PTPRG: variants seen among roughly 807,000 people sequenced by gnomAD.
PTPRG encodes receptor-type tyrosine-protein phosphatase gamma.
Under a neutral mutation model 165.3 loss-of-function variants are expected in PTPRG, and 102 were observed. The ratio of observed to expected loss-of-function variants is 0.62; its 90% CI spans 0.53 to 0.73. The LOEUF (loss-of-function observed/expected upper bound fraction) is 0.73, where lower values mean the gene tolerates loss of function less well. Among genes scored for constraint, PTPRG ranks in the 30% least tolerant of loss-of-function variants. The probability of loss-of-function intolerance (pLI) is 0.00; values close to 1 mark genes in which losing one functional copy is unlikely to be tolerated. For missense variants in PTPRG, 1,866 were observed against 1,861.4 expected, an observed-to-expected ratio of 1.00 and a Z score of -0.05; for synonymous variants, 675 against 669.5, an observed-to-expected ratio of 1.01 and a Z score of -0.13.
At chr3:61,897,486 T>C (rs1473642861) in intron 2 of PTPRG, among the ~76,000 whole-genome samples, 1 of 152,216 alleles carries the variant, frequency 6.6e-6, no homozygotes, top group Non-Finnish European at 1.5e-5. Flanking sequence ...TCGTGATTAC[T>C]ATAGCTGTAC....
rs535422835 is a variant in PTPRG, at chr3:62,192,543, G to A, written c.1218+890G>A. 3.3e-5 allele frequency among the ~76,000 whole-genome samples: 5 copies of A among 151,692 alleles called. No homozygotes were observed. In the South Asian group the frequency reaches 1.0e-3, roughly 32 times the overall value. ...CCTGCCTCAGCCTCCCAAGTAGCTG[G>A]GACTACATGCATCCGCCACCATGCC... On this transcript the variant is annotated intron_variant, in intron 9 of 29. Transcript: ENST00000474889.
chr3:61,733,902 G>T (rs922921550), intron 1 of PTPRG, among the ~76,000 whole-genome samples: 2 of 152,112 alleles, frequency 1.3e-5, no homozygotes, highest in Non-Finnish European at 2.9e-5. Flanking sequence ...GGCTCAAGCG[G>T]TCCTCACACC....
At chr3:62,121,101 G>A (rs537616913) in intron 5 of PTPRG, among the ~76,000 whole-genome samples, 49 of 136,040 alleles carry the variant, frequency 3.6e-4, no homozygotes, top group Admixed American at 9.9e-4. Context: ...CCCACCACTA[G>A]CCTGGCTAAT....
At chr3:61,800,766 C>T (rs1464507186) in intron 2 of PTPRG, among the ~76,000 whole-genome samples, 1 of 151,702 alleles carries the variant, frequency 6.6e-6, no homozygotes, top group African/African-American at 2.4e-5. Context: ...GCCTCAGCCT[C>T]CCGAGTAGCT....
In PTPRG at chr3:61,993,902, C is replaced by T. The variant is rs768138212; in HGVS notation, c.370+4098C>T. ...GCGGCCTATTACATACAGACAGTAA[C>T]TCTCCCATAAAACAGCTTAAATGTT... is the stretch of plus-strand genomic sequence containing the variant. On this transcript the variant is annotated intron_variant, in intron 3 of 29. Coordinates refer to ENST00000474889, the MANE Select transcript of PTPRG (RefSeq NM_002841.4). 3.3e-5 allele frequency among the ~76,000 whole-genome samples: 5 copies of T among 152,134 alleles called. No homozygotes were observed. In the East Asian group the frequency reaches 9.7e-4, roughly 29 times the overall value.
intron 3 of PTPRG, 117 bp from the exon 4 acceptor site, chr3:62,003,232 T>C (rs2041216558): frequency 3.3e-6 from 4 of 1,197,644 alleles, no homozygotes; most frequent in East Asian, 2.4e-5. Flanking sequence ...TTTTCATAGG[T>C]ACATGAGGAC....
At chr3:61,567,020 T>G (rs1338030355) in intron 1 of PTPRG, among the ~76,000 whole-genome samples, 1 of 152,212 alleles carries the variant, frequency 6.6e-6, no homozygotes, top group Non-Finnish European at 1.5e-5. Flanking sequence ...TGGGAAAAAT[T>G]TAGGGCATCT....
At position 62,195,003 on chromosome 3, in the gene PTPRG, T is replaced by C. The variant is rs1559632770; in HGVS notation, c.1219-59T>C. The C allele has an allele frequency of 6.5e-6, 10 of 1,526,738 alleles. No individual in the cohort carries two copies. In the Admixed American group the frequency reaches 1.3e-4, roughly 20 times the overall value. 94.6% of individuals were successfully genotyped at this position (1,526,738 alleles called of 1,614,324 possible). Reference sequence around the variant, plus strand: ...ACGGCACTCAGGTTTGGCTTTAGAATGCAAAGTGTGCCTTGGCCTTCAAAA... The same window carrying C: ...ACGGCACTCAGGTTTGGCTTTAGAACGCAAAGTGTGCCTTGGCCTTCAAAA... On this transcript the variant is annotated intron_variant, in intron 9 of 29. Coordinates refer to ENST00000474889, the MANE Select transcript of PTPRG (RefSeq NM_002841.4). The surrounding 1 kb of genome is among the most constrained non-coding windows in gnomAD (Gnocchi z 4.4).
At chr3:62,101,345 A>T (rs1702283980) in intron 5 of PTPRG, among the ~76,000 whole-genome samples, 1 of 152,242 alleles carries the variant, frequency 6.6e-6, no homozygotes, top group African/African-American at 2.4e-5. Flanking sequence ...TAAAAACCAA[A>T]ACCAACAATT....
At chr3:62,133,709 G>C (rs1002671975) in intron 6 of PTPRG, among the ~76,000 whole-genome samples, 2 of 152,146 alleles carry the variant, frequency 1.3e-5, no homozygotes, top group Non-Finnish European at 2.9e-5. Flanking sequence ...TCTGGGCCAG[G>C]CATGGTGGCT....
chr3:62,013,291 C>G (rs2041468808), intron 4 of PTPRG, among the ~76,000 whole-genome samples: 1 of 152,082 alleles, frequency 6.6e-6, no homozygotes, highest in South Asian at 2.1e-4. Flanking sequence ...CATACTAAAA[C>G]TTGCAAAACT....
Position 62,243,773 on chromosome 3 carries a change from C to A in PTPRG, c.2376-34C>A, listed in dbSNP as rs187662369. 1,888 of 1,307,868 alleles carry A rather than the reference C, an allele frequency of 1.4e-3. 3 individuals are homozygous for A. The highest frequency in any genetic ancestry group is 1.8e-3 in the Non-Finnish European group (1,693 of 916,616). 81.0% of individuals were successfully genotyped at this position (1,307,868 alleles called of 1,614,324 possible). A position where few individuals can be genotyped will look rare whatever the true frequency, so the allele number is the denominator to read the frequency against. On this transcript the variant is annotated intron_variant, in intron 14 of 29. Coordinates refer to ENST00000474889, the MANE Select transcript of PTPRG (RefSeq NM_002841.4). ...AAGATGAACTCAAATAAAGTATATTCTATTATTGACATGTTTTTCTCTTTT... is the reference window on the plus strand; with the variant it reads ...AAGATGAACTCAAATAAAGTATATTATATTATTGACATGTTTTTCTCTTTT...
intron 2 of PTPRG, among the ~76,000 whole-genome samples, chr3:61,826,555 C>T (rs567774047): frequency 2.0e-5 from 3 of 152,110 alleles, no homozygotes; most frequent in South Asian, 2.1e-4. Flanking sequence ...GTACTATTTC[C>T]CCTCTTCCCT....
At chr3:62,265,273 G>A (rs896416566) in intron 17 of PTPRG, among the ~76,000 whole-genome samples, 11 of 152,048 alleles carry the variant, frequency 7.2e-5, no homozygotes, top group Admixed American at 2.6e-4. Flanking sequence ...CTCTAAATTT[G>A]TTCCTTTTTC....
intron 2 of PTPRG, among the ~76,000 whole-genome samples, chr3:61,778,395 G>A (rs544586969): frequency 2.0e-4 from 30 of 152,146 alleles, no homozygotes; most frequent in Non-Finnish European, 2.9e-4. Flanking sequence ...CTATGCAAAC[G>A]TCTGATTGGG....
At chr3:61,941,456 C>T (rs1386203190) in intron 2 of PTPRG, among the ~76,000 whole-genome samples, 1 of 152,154 alleles carries the variant, frequency 6.6e-6, no homozygotes, top group Non-Finnish European at 1.5e-5. Flanking sequence ...AACCCCGTCT[C>T]TACTAAAATA....
chr3:61,843,952 C>G (rs2036727462), intron 2 of PTPRG, among the ~76,000 whole-genome samples: 1 of 144,244 alleles, frequency 6.9e-6, no homozygotes, highest in South Asian at 2.2e-4. Context: ...GGAAAATTCA[C>G]ATTTTACAAC....
At chr3:62,137,220 A>G (rs760852715) in intron 6 of PTPRG, among the ~76,000 whole-genome samples, 3 of 152,190 alleles carry the variant, frequency 2.0e-5, no homozygotes, top group Non-Finnish European at 2.9e-5. Flanking sequence ...GTATTGGTTC[A>G]GTCATTACCA....
intron 1 of PTPRG, among the ~76,000 whole-genome samples, chr3:61,678,662 C>T (rs1703321549): frequency 6.6e-6 from 1 of 152,166 alleles, no homozygotes; most frequent in Non-Finnish European, 1.5e-5. Flanking sequence ...CCAGGCGTCT[C>T]CGCTTGGCAT....
Sources: gnomAD v4.1 joint callset for allele counts (sites outside exome capture counted in the v4.1 genomes callset) on GRCh38, gnomAD v4.1.1 for gene constraint, Gnocchi (gnomAD v3.1) non-coding constraint, MANE v1.5 for transcripts, NCBI Gene and HGNC (gene_info 2026-07-23, HGNC 2026-07-21) for gene names.